RBFOX1: variants seen among roughly 807,000 people sequenced by gnomAD.
RBFOX1 encodes the protein RNA binding fox-1 homolog 1, also known as RNA binding protein fox-1 homolog 1.
Under a neutral mutation model 57.7 loss-of-function variants are expected in RBFOX1, and 8 were observed. The ratio of observed to expected loss-of-function variants is 0.14; its 90% CI spans 0.08 to 0.25. The LOEUF is 0.25. RBFOX1 is among the 10% of genes least tolerant of loss of function. RBFOX1 has a pLI of 1.00. For synonymous variants in RBFOX1, 326 were observed against 222.4 expected (o/e 1.47, Z -4.15); for missense variants, 611 against 548.5 (o/e 1.11, Z -1.14).
intron 3 of RBFOX1, among the ~76,000 whole-genome samples, chr16:6,872,241 A>G (rs1373345792): frequency 6.6e-6 from 1 of 152,162 alleles, no homozygotes. Context: ...AGATTTAATA[A>G]TTGTTGTGTA....
chr16:7,330,469 GCT>G (rs1317394700), intron 4 of RBFOX1, among the ~76,000 whole-genome samples: 319 of 103,356 alleles, frequency 3.1e-3, no homozygotes, highest in African/African-American at 0.013. Context: ...AATATGGAGA[GCT>G]CTGTGTGTGT....
chr16:6,072,084 A>C (rs1018115441), intron 1 of RBFOX1, among the ~76,000 whole-genome samples: 2 of 152,214 alleles, frequency 1.3e-5, no homozygotes, highest in Non-Finnish European at 2.9e-5. Context: ...GGGAGACCTC[A>C]CAATCATGGC....
intron 3 of RBFOX1, among the ~76,000 whole-genome samples, chr16:7,029,267 C>T (rs1279747967): frequency 3.3e-5 from 4 of 121,932 alleles, no homozygotes; most frequent in Admixed American, 8.3e-5. Flanking sequence ...CATATATATA[C>T]GTATACGTAT....
At chr16:7,486,134 T>TA in intron 4 of RBFOX1, among the ~76,000 whole-genome samples, 2 of 144,166 alleles carry the variant, frequency 1.4e-5, no homozygotes, top group Non-Finnish European at 3.0e-5. Flanking sequence ...TTTTTTTTTT[T>TA]TTTTTTGAGA....
At chr16:5,428,851 G>C (rs2067643536) in intron 1 of RBFOX1, among the ~76,000 whole-genome samples, 1 of 152,128 alleles carries the variant, frequency 6.6e-6, no homozygotes, top group South Asian at 2.1e-4. Context: ...CTCAGGCAGA[G>C]GCATATGGAA....
chr16:7,458,222 C>T lies in RBFOX1; in HGVS notation c.28-59925C>T, dbSNP rs148666932. ...GACAGGGACCTTGTCTCTCTGGAGCCCTAAGTGTGTCCTTAAGGTTTGCAA... is the reference window on the plus strand; with the variant it reads ...GACAGGGACCTTGTCTCTCTGGAGCTCTAAGTGTGTCCTTAAGGTTTGCAA... On this transcript the variant is annotated intron_variant, in intron 4 of 15. Coordinates refer to ENST00000550418, the MANE Select transcript of RBFOX1 (RefSeq NM_018723.4). 5.3e-4 allele frequency among the ~76,000 whole-genome samples: 80 copies of T among 152,234 alleles called. 1 individual carries two copies. The East Asian group carries it at 0.013, about 24-fold the overall frequency.
chr16:7,260,071 T>C (rs2094857330), intron 4 of RBFOX1, among the ~76,000 whole-genome samples: 1 of 152,220 alleles, frequency 6.6e-6, no homozygotes, highest in African/African-American at 2.4e-5. Flanking sequence ...ATTCACTGTT[T>C]TGTTTCTGTA....
chr16:6,620,731 C>T (rs902743955), intron 2 of RBFOX1, among the ~76,000 whole-genome samples: 2 of 152,136 alleles, frequency 1.3e-5, no homozygotes, highest in Non-Finnish European at 2.9e-5. Context: ...ACCCTCTCTG[C>T]ACATAAACTA....
intron 2 of RBFOX1, among the ~76,000 whole-genome samples, chr16:6,349,496 C>T (rs1049621872): frequency 6.6e-6 from 1 of 152,230 alleles, no homozygotes; most frequent in African/African-American, 2.4e-5. Context: ...AATTGTTCAA[C>T]ATCCTTTAAA....
intron 4 of RBFOX1, among the ~76,000 whole-genome samples, chr16:7,283,143 A>C (rs1407169458): frequency 6.6e-6 from 1 of 152,046 alleles, no homozygotes; most frequent in Non-Finnish European, 1.5e-5. Context: ...ATCAAATGGT[A>C]GTTCTACATT....
chr16:6,499,261 C>A (rs985487573), intron 2 of RBFOX1, among the ~76,000 whole-genome samples: 1 of 152,048 alleles, frequency 6.6e-6, no homozygotes, highest in Non-Finnish European at 1.5e-5. Flanking sequence ...AATTTGAAAG[C>A]TACACTGGAA....
At chr16:7,032,632 C>T (rs1034022307) in intron 3 of RBFOX1, among the ~76,000 whole-genome samples, 1 of 152,018 alleles carries the variant, frequency 6.6e-6, no homozygotes, top group African/African-American at 2.4e-5. Flanking sequence ...TATTTTCCCT[C>T]CTCAAGCTAA....
At chr16:6,228,442 C>T (rs1171729406) in intron 1 of RBFOX1, among the ~76,000 whole-genome samples, 2 of 152,046 alleles carry the variant, frequency 1.3e-5, no homozygotes, top group Admixed American at 6.6e-5. Flanking sequence ...CACACACACA[C>T]ACACATACAT....
chr16:7,227,475 C>T (rs1023372578), intron 4 of RBFOX1, among the ~76,000 whole-genome samples: 7 of 152,246 alleles, frequency 4.6e-5, no homozygotes, highest in African/African-American at 9.6e-5. Context: ...CGATTTTATT[C>T]AGGGTTATTT....
chr16:6,391,605 T>C lies in RBFOX1; in HGVS notation c.-64+74548T>C, dbSNP rs973919753. On this transcript the variant is annotated intron_variant, in intron 2 of 15. Transcript: ENST00000550418. ...AAGCAAATGGGTTGCAGGAAGGCAA[T>C]GTGGAAAGGAAAAAAGTTCATGGTC... Among the ~76,000 whole-genome samples the C allele has an allele frequency of 5.3e-5, 8 of 151,668 alleles. No homozygotes were observed. The South Asian group carries it at 1.7e-3, about 32-fold the overall frequency.
At chr16:5,510,487 A>G (rs906077254) in intron 2 of RBFOX1, among the ~76,000 whole-genome samples, 2 of 121,680 alleles carry the variant, frequency 1.6e-5, no homozygotes, top group Non-Finnish European at 3.5e-5. Flanking sequence ...CCAGCATGTC[A>G]TCACTCCCAC....
intron 4 of RBFOX1, among the ~76,000 whole-genome samples, chr16:7,287,021 C>T (rs528130514): frequency 9.5e-4 from 144 of 152,262 alleles, no homozygotes; most frequent in African/African-American, 3.3e-3. Context: ...GCAGGCAATG[C>T]GTGATAGAAG....
At chr16:6,986,697 C>T (rs1021635882) in intron 3 of RBFOX1, among the ~76,000 whole-genome samples, 5 of 152,102 alleles carry the variant, frequency 3.3e-5, no homozygotes, top group African/African-American at 9.7e-5. Context: ...CTCTCCTTCT[C>T]TCTGTCTTTT....
At chr16:5,574,697 C>T (rs1233258876) in intron 2 of RBFOX1, among the ~76,000 whole-genome samples, 1 of 152,114 alleles carries the variant, frequency 6.6e-6, no homozygotes, top group Non-Finnish European at 1.5e-5. Flanking sequence ...TCCCAAAATG[C>T]GTTACATGCT....
Sources: gnomAD v4.1 joint callset for allele counts (sites outside exome capture counted in the v4.1 genomes callset) on GRCh38, gnomAD v4.1.1 for gene constraint, MANE v1.5 for transcripts, NCBI Gene and HGNC (gene_info 2026-07-23, HGNC 2026-07-21) for gene names.